Variants in PTPRD observed in about 807,000 individuals in gnomAD.
The protein encoded by PTPRD is protein tyrosine phosphatase receptor type D.
Under a neutral mutation model 214.5 loss-of-function variants are expected in PTPRD, and 34 were observed. That is an observed-to-expected ratio of 0.16 (90% CI 0.12 to 0.21). PTPRD has a LOEUF of 0.21. Among genes scored for constraint, PTPRD ranks in the 10% least tolerant of loss-of-function variants. PTPRD has a pLI of 1.00. For synonymous variants in PTPRD, 1,128 were observed against 845.7 expected (o/e 1.33, Z -5.79); for missense variants, 2,545 against 2,398.7 (o/e 1.06, Z -1.27).
chr9:9,759,553 G>GTTTTTTTTTT (rs1597016286), intron 6 of PTPRD, among the ~76,000 whole-genome samples: 1 of 130,756 alleles, frequency 7.6e-6, no homozygotes, highest in African/African-American at 3.1e-5. Context: ...GTCAAGGTCT[G>GTTTTTTTTTT]TCTTTTTTTT....
chr9:10,501,022 T>C (rs914053989), intron 2 of PTPRD, among the ~76,000 whole-genome samples: 1 of 152,068 alleles, frequency 6.6e-6, no homozygotes, highest in African/African-American at 2.4e-5. Flanking sequence ...GTCTTTATCA[T>C]ATACTGATTT....
chr9:9,686,798 C>T (rs1595211053), intron 7 of PTPRD, among the ~76,000 whole-genome samples: 1 of 151,644 alleles, frequency 6.6e-6, no homozygotes, highest in African/African-American at 2.4e-5. Context: ...TAACTATAAG[C>T]AAAGAGAGAT....
Position 8,909,965 on chromosome 9 carries a change from C to G in PTPRD, c.-104+108732G>C, listed in dbSNP as rs1441579231. 7.3e-5 allele frequency among the ~76,000 whole-genome samples: 11 copies of G among 151,460 alleles called. No individual in the cohort carries two copies. The South Asian group carries it at 2.1e-3, about 29-fold the overall frequency. Reference sequence around the variant, plus strand: ...CATGTAGAACATCTTAGAGAATCTACCAGAAAATTTTATGCTATAGTTTAA... The same window carrying G: ...CATGTAGAACATCTTAGAGAATCTAGCAGAAAATTTTATGCTATAGTTTAA... On this transcript the variant is annotated intron_variant, in intron 11 of 45. Coordinates refer to ENST00000381196, the MANE Select transcript of PTPRD (RefSeq NM_002839.4).
intron 39 of PTPRD, among the ~76,000 whole-genome samples, chr9:8,342,562 G>A (rs1254387616): frequency 1.3e-5 from 2 of 152,034 alleles, no homozygotes; most frequent in African/African-American, 4.8e-5. Context: ...TGGTAAACAT[G>A]TCATCAACAG....
chr9:9,085,696 TCG>T (rs1348132016), intron 10 of PTPRD, among the ~76,000 whole-genome samples: 1 of 152,126 alleles, frequency 6.6e-6, no homozygotes, highest in Non-Finnish European at 1.5e-5. Context: ...TGCTTAATTG[TCG>T]GTTTGCCACC....
At chr9:8,903,190 T>C (rs1187092982) in intron 11 of PTPRD, among the ~76,000 whole-genome samples, 2 of 152,010 alleles carry the variant, frequency 1.3e-5, no homozygotes, top group African/African-American at 4.8e-5. Flanking sequence ...CACAGGTACA[T>C]GTGGACGTTT....
intron 6 of PTPRD, among the ~76,000 whole-genome samples, chr9:9,761,901 T>A (rs985954836): frequency 6.6e-6 from 1 of 152,204 alleles, no homozygotes; most frequent in Non-Finnish European, 1.5e-5. Flanking sequence ...TTGCAAAATA[T>A]AATATTTTAA....
intron 7 of PTPRD, among the ~76,000 whole-genome samples, chr9:9,633,271 C>T (rs1212741576): frequency 1.3e-5 from 2 of 151,504 alleles, no homozygotes; most frequent in African/African-American, 2.4e-5. Context: ...TTCCACACTC[C>T]AGCCTGGGAG....
At chr9:10,324,469 C>A (rs778960528) in intron 3 of PTPRD, among the ~76,000 whole-genome samples, 12 of 151,904 alleles carry the variant, frequency 7.9e-5, no homozygotes, top group South Asian at 2.1e-4. Flanking sequence ...ATATGGCCAA[C>A]AAGTAGATGG....
intron 5 of PTPRD, among the ~76,000 whole-genome samples, chr9:9,839,648 A>G (rs1041858717): frequency 3.3e-5 from 5 of 152,082 alleles, no homozygotes; most frequent in African/African-American, 7.2e-5. Context: ...TACAGATTCA[A>G]TGCCATCCCC....
At chr9:8,868,781 C>T (rs935974991) in intron 11 of PTPRD, among the ~76,000 whole-genome samples, 1 of 152,106 alleles carries the variant, frequency 6.6e-6, no homozygotes, top group Non-Finnish European at 1.5e-5. Context: ...GTGCTTTCAG[C>T]ATATCTTATT....
chr9:10,373,734 C>A (rs141136001), intron 2 of PTPRD, among the ~76,000 whole-genome samples: 3 of 152,090 alleles, frequency 2.0e-5, no homozygotes, highest in African/African-American at 7.2e-5. Flanking sequence ...GACATACCAC[C>A]TTTACGCCTT....
chr9:10,401,398 G>A (rs1185239168), intron 2 of PTPRD, among the ~76,000 whole-genome samples: 1 of 151,242 alleles, frequency 6.6e-6, no homozygotes, highest in East Asian at 2.0e-4. Flanking sequence ...TTGGGAGATA[G>A]TCCAGAACAT....
At chr9:8,331,339 G>C (rs1041373128) in intron 44 of PTPRD, among the ~76,000 whole-genome samples, 8 of 151,960 alleles carry the variant, frequency 5.3e-5, no homozygotes, top group African/African-American at 1.9e-4. Context: ...TGGTAATTTG[G>C]TTTGTCTAAT....
chr9:9,683,307 G>C (rs191633939), intron 7 of PTPRD, among the ~76,000 whole-genome samples: 2 of 151,830 alleles, frequency 1.3e-5, no homozygotes, highest in Admixed American at 1.3e-4. Context: ...GGGGTAAATT[G>C]ATTTTCTTTG....
At chr9:10,450,015 G>A (rs2098829566) in intron 2 of PTPRD, among the ~76,000 whole-genome samples, 1 of 151,618 alleles carries the variant, frequency 6.6e-6, no homozygotes, top group Non-Finnish European at 1.5e-5. Flanking sequence ...TGCAAGATGT[G>A]CTTTGTTAAA....
At chr9:10,288,307 T>A (rs201121027) in intron 3 of PTPRD, among the ~76,000 whole-genome samples, 2 of 72,958 alleles carry the variant, frequency 2.7e-5, no homozygotes, top group Admixed American at 2.7e-4. Context: ...CGATCATAGA[T>A]TTTTTTAAAA....
intron 3 of PTPRD, among the ~76,000 whole-genome samples, chr9:10,243,356 T>A (rs887335061): frequency 6.7e-6 from 1 of 149,838 alleles, no homozygotes; most frequent in South Asian, 2.1e-4. Context: ...TAATGTTTTA[T>A]GTTTATCACT....
intron 8 of PTPRD, among the ~76,000 whole-genome samples, chr9:9,441,283 T>G (rs2144406779): frequency 6.6e-6 from 1 of 152,166 alleles, no homozygotes; most frequent in Middle Eastern, 3.4e-3. Flanking sequence ...GGCAGTGAGG[T>G]GCAGGAGGGT....
Sources: gnomAD v4.1 joint callset for allele counts (sites outside exome capture counted in the v4.1 genomes callset) on GRCh38, gnomAD v4.1.1 for gene constraint, MANE v1.5 for transcripts, NCBI Gene and HGNC (gene_info 2026-07-23, HGNC 2026-07-21) for gene names.